ADGRB3: variants seen among roughly 807,000 people sequenced by gnomAD.
ADGRB3 encodes the protein adhesion G protein-coupled receptor B3.
Under a neutral mutation model 193.4 loss-of-function variants are expected in ADGRB3, and 37 were observed. The observed-to-expected ratio is 0.19, with a 90% CI of 0.15 to 0.25. The LOEUF is 0.25. Ranked by LOEUF, ADGRB3 falls within the 10% of genes least tolerant of loss-of-function variation. The pLI, the probability that ADGRB3 is intolerant of heterozygous loss-of-function variation, is 1.00. For synonymous variants in ADGRB3, 690 were observed against 644.2 expected (o/e 1.07, Z -1.08); for missense variants, 1,637 against 1,852.9 (o/e 0.88, Z 2.14).
intron 17 of ADGRB3, among the ~76,000 whole-genome samples, chr6:69,172,435 A>G (rs1264459043): frequency 6.6e-6 from 1 of 151,754 alleles, no homozygotes; most frequent in Non-Finnish European, 1.5e-5. Flanking sequence ...CGAGGTCAGG[A>G]GATCAAGACC....
intron 3 of ADGRB3, among the ~76,000 whole-genome samples, chr6:68,654,448 A>G (rs931762012): frequency 2.0e-5 from 3 of 152,002 alleles, no homozygotes; most frequent in Non-Finnish European, 4.4e-5. Flanking sequence ...CACATAGGCC[A>G]TTGAGCAAGT....
intron 20 of ADGRB3, among the ~76,000 whole-genome samples, chr6:69,243,346 A>G (rs1766423516): frequency 6.6e-6 from 1 of 151,980 alleles, no homozygotes; most frequent in Non-Finnish European, 1.5e-5. Flanking sequence ...CCTTTTAGAT[A>G]CTTTCACCCA....
intron 3 of ADGRB3, among the ~76,000 whole-genome samples, chr6:68,721,004 A>G (rs1250632724): frequency 6.6e-6 from 1 of 151,878 alleles, no homozygotes; most frequent in East Asian, 1.9e-4. Context: ...GTGGAGAAAT[A>G]GGAACACATT....
intron 17 of ADGRB3, among the ~76,000 whole-genome samples, chr6:69,110,101 C>A (rs1284242927): frequency 6.6e-6 from 1 of 151,994 alleles, no homozygotes; most frequent in Non-Finnish European, 1.5e-5. Flanking sequence ...GCGCCTGCCA[C>A]CACGACTGGC....
chr6:69,198,654 C>A (rs535224184), intron 17 of ADGRB3, among the ~76,000 whole-genome samples: 2 of 152,062 alleles, frequency 1.3e-5, no homozygotes, highest in African/African-American at 2.4e-5. Context: ...AATAAAGGAA[C>A]ACAAGGAAAC....
chr6:69,068,585 C>T lies in ADGRB3; in HGVS notation c.2436+5549C>T, dbSNP rs147737257. 4.2e-3 allele frequency among the ~76,000 whole-genome samples: 635 copies of T among 152,262 alleles called. 9 individuals carry two copies. Among genetic ancestry groups the T allele is most frequent in the African/African-American group, 0.015 (603 of 41,560 alleles). On this transcript the variant is annotated intron_variant, in intron 16 of 31. Transcript: ENST00000370598. ...GTGGAGGCAATGATTTTCTTTGAAG[C>T]ATATACATGTAAAAACGTCCTGATG...
chr6:68,688,418 C>T (rs1293480562), intron 3 of ADGRB3, among the ~76,000 whole-genome samples: 1 of 152,116 alleles, frequency 6.6e-6, no homozygotes, highest in African/African-American at 2.4e-5. Context: ...CCTCCACCAA[C>T]CTAAACTTAG....
chr6:69,119,135 T>C (rs1168401180), intron 17 of ADGRB3, among the ~76,000 whole-genome samples: 1 of 152,218 alleles, frequency 6.6e-6, no homozygotes, highest in East Asian at 1.9e-4. Context: ...CTGATTTACA[T>C]AGAAGTCAGA....
chr6:68,853,661 T>G (rs772614496), intron 3 of ADGRB3, among the ~76,000 whole-genome samples: 1 of 152,128 alleles, frequency 6.6e-6, no homozygotes, highest in Non-Finnish European at 1.5e-5. Context: ...GGGAATATTT[T>G]CAGAATTTGT....
At chr6:68,808,904 A>G (rs17258918) in intron 3 of ADGRB3, among the ~76,000 whole-genome samples, 2,996 of 152,282 alleles carry the variant, frequency 0.02, 48 homozygotes, top group Non-Finnish European at 0.031. Flanking sequence ...AGATTTCTGC[A>G]TATTGCCTCA....
At chr6:68,828,505 C>T (rs934625758) in intron 3 of ADGRB3, among the ~76,000 whole-genome samples, 3 of 152,088 alleles carry the variant, frequency 2.0e-5, no homozygotes, top group Non-Finnish European at 4.4e-5. Context: ...GTTCACTGGT[C>T]TCTAAAAGTG....
intron 8 of ADGRB3, among the ~76,000 whole-genome samples, chr6:68,961,400 C>T (rs912714211): frequency 6.6e-6 from 1 of 152,114 alleles, no homozygotes; most frequent in Non-Finnish European, 1.5e-5. Flanking sequence ...ATTTTCCCTG[C>T]CTCTTATCCC....
intron 3 of ADGRB3, among the ~76,000 whole-genome samples, chr6:68,691,036 A>G (rs1314121172): frequency 1.3e-5 from 2 of 152,108 alleles, no homozygotes; most frequent in Non-Finnish European, 2.9e-5. Flanking sequence ...ATATTAGGAA[A>G]TTGATGATTG....
chr6:68,839,333 T>C (rs1485822562), intron 3 of ADGRB3, among the ~76,000 whole-genome samples: 1 of 152,218 alleles, frequency 6.6e-6, no homozygotes, highest in Non-Finnish European at 1.5e-5. Flanking sequence ...AAAATGTATC[T>C]AAAACTATGA....
Position 68,772,934 on chromosome 6 carries a change from CAT to C in ADGRB3, c.757+133504_757+133505del, listed in dbSNP as rs1562023494. On this transcript the variant is annotated intron_variant, in intron 3 of 31. Transcript: ENST00000370598. ...ATATATATATATATATATATATATA[CAT>C]ACACACACAAAAATAAAAAATAAAA... Among the ~76,000 whole-genome samples, 63 of 26,968 alleles carry C rather than the reference CAT, an allele frequency of 2.3e-3. 4 individuals are homozygous for C. Among genetic ancestry groups the C allele is most frequent in the East Asian group, 9.4e-3 (10 of 1,064 alleles). The allele number at this position is 26,968 out of a possible 152,430, so 17.7% of individuals were successfully genotyped here.
intron 11 of ADGRB3, 73 bp downstream of exon 11, chr6:68,994,035 C>T: frequency 6.8e-7 from 1 of 1,476,918 alleles, no homozygotes. Flanking sequence ...GAAGCCAGTG[C>T]AGCCGTCTTG....
chr6:69,003,224 C>A (rs1769635462), intron 11 of ADGRB3, among the ~76,000 whole-genome samples: 1 of 152,158 alleles, frequency 6.6e-6, no homozygotes. Flanking sequence ...GTCCTTAGAG[C>A]ACAGGTAGCT....
chr6:68,997,612 C>G (rs903735145), intron 11 of ADGRB3, among the ~76,000 whole-genome samples: 1 of 151,312 alleles, frequency 6.6e-6, no homozygotes, highest in Non-Finnish European at 1.5e-5. Context: ...GAGATCACAC[C>G]ACTGCACTCC....
At chr6:69,176,984 G>A (rs748610354) in intron 17 of ADGRB3, among the ~76,000 whole-genome samples, 13 of 152,154 alleles carry the variant, frequency 8.5e-5, no homozygotes, top group African/African-American at 1.2e-4. Context: ...AGTCACTTTC[G>A]TCATTTCTGA....
Sources: allele counts gnomAD v4.1 joint callset (sites outside exome capture counted in the v4.1 genomes callset), GRCh38; gene constraint gnomAD v4.1.1; transcripts MANE v1.5; gene names NCBI Gene and HGNC (gene_info 2026-07-23, HGNC 2026-07-21).